ZNF571: variants seen among roughly 807,000 people sequenced by gnomAD.
ZNF571 encodes the protein zinc finger protein 571.
Under a neutral mutation model 7.7 loss-of-function variants are expected in ZNF571, and 4 were observed. The ratio of observed to expected loss-of-function variants is 0.52; its 90% CI spans 0.25 to 1.18. The LOEUF (loss-of-function observed/expected upper bound fraction) is 1.18. Ranked by LOEUF, ZNF571 falls within the 50% of genes most tolerant of loss-of-function variation. The pLI is 0.14. For missense variants in ZNF571, 704 were observed against 726.9 expected, an observed-to-expected ratio of 0.97 and a Z score of 0.36; for synonymous variants, 251 against 232.4, an observed-to-expected ratio of 1.08 and a Z score of -0.73.
intron 3 of ZNF571, among the ~76,000 whole-genome samples, chr19:37,577,643 TAGTG>T (rs1457378064): frequency 6.6e-6 from 1 of 152,022 alleles, no homozygotes; most frequent in Non-Finnish European, 1.5e-5. Context: ...TGTAGCAAAA[TAGTG>T]AGAAGATCCA....
At chr19:37,593,702 C>T (rs2043934165) in intron 1 of ZNF571, among the ~76,000 whole-genome samples, 1 of 152,050 alleles carries the variant, frequency 6.6e-6, no homozygotes, top group Non-Finnish European at 1.5e-5. Context: ...GAATCCGTCT[C>T]AAAAAGCAAA....
At chr19:37,584,134 G>A (rs748259461) in intron 2 of ZNF571, 37 bp from the exon 3 acceptor site, 2 of 1,612,506 alleles carry the variant, frequency 1.2e-6, no homozygotes, top group Admixed American at 3.3e-5. Context: ...GATTCTACAG[G>A]AATGATTCTG....
At chr19:37,579,274 G>C (rs2043359491) in intron 3 of ZNF571, among the ~76,000 whole-genome samples, 1 of 152,306 alleles carries the variant, frequency 6.6e-6, no homozygotes, top group Middle Eastern at 3.4e-3. Context: ...AGGTTGTCCA[G>C]TGGGCCAGCT....
At chr19:37,577,028 C>T (rs747631929) in intron 3 of ZNF571, among the ~76,000 whole-genome samples, 2 of 152,048 alleles carry the variant, frequency 1.3e-5, no homozygotes, top group Non-Finnish European at 2.9e-5. Context: ...TTACATAAAA[C>T]GTTAGGTCAT....
chr19:37,592,691 T>C (rs2043902119), intron 1 of ZNF571, among the ~76,000 whole-genome samples: 1 of 152,228 alleles, frequency 6.6e-6, no homozygotes, highest in Non-Finnish European at 1.5e-5. Flanking sequence ...CAGCACCAAC[T>C]ATGAATTAAA....
Position 37,565,778 on chromosome 19 carries a change from T to G in ZNF571, c.650A>C (p.His217Pro), listed in dbSNP as rs768091015. Reference sequence around the variant, plus strand: ...ACACTGATAAGGTTTTTCATTAGTATGAATTTTCTGATGTTGAATGAGATC... The same window carrying G: ...ACACTGATAAGGTTTTTCATTAGTAGGAATTTTCTGATGTTGAATGAGATC... The part of the protein sequence containing the change: ...TSDLIQHQKI[H>P]TNEKPYQCNA... Residue 217 changes from histidine (H) to proline (P), a missense_variant, in exon 4 of 4, where the codon CAT (histidine) becomes CCT (proline). By Grantham distance (77) the His-to-Pro change is moderately conservative. Coordinates refer to ENST00000451802, the MANE Select transcript of ZNF571 (RefSeq NM_016536.5). 4.3e-6 allele frequency: 7 copies of G among 1,613,848 alleles called. No homozygotes were observed. Among genetic ancestry groups the G allele is most frequent in the Non-Finnish European group, 5.9e-6 (7 of 1,179,872 alleles).
chr19:37,566,705 T>C (rs1471180496), intron 3 of ZNF571, among the ~76,000 whole-genome samples: 4 of 152,178 alleles, frequency 2.6e-5, no homozygotes, highest in African/African-American at 9.6e-5. Context: ...CCCTCTCTCA[T>C]TGTCATAACC....
In ZNF571 at chr19:37,584,312, CTGAGA is replaced by C. The variant is rs536406129; in HGVS notation, c.10-220_10-216del. 3.9e-5 allele frequency among the ~76,000 whole-genome samples: 6 copies of C among 152,272 alleles called. No individual in the cohort carries two copies. In the South Asian group the frequency reaches 8.3e-4, roughly 21 times the overall value. On this transcript the variant is annotated intron_variant, in intron 2 of 3. Coordinates refer to ENST00000451802, the MANE Select transcript of ZNF571 (RefSeq NM_016536.5). ...GAACAATTCCATTATCCAGAAAGGT[CTGAGA>C]ATTTAAAAAGCCAGATGTGTGCAGT... is the stretch of plus-strand genomic sequence containing the variant.
rs11540764 is a variant in ZNF571, at chr19:37,566,039, C to T, written c.389G>A (p.Arg130Gln). Residue 130 changes from arginine (R) to glutamine (Q), a missense_variant, in exon 4 of 4, where the codon CGG becomes CAG. Transcript: ENST00000451802. ...ESHSTSSTFH[R>Q]IIPTKEKLYK... ...CAATTTTTCCTTGGTAGGAATTATCCGATGAAAAGTAGAAGAGGTTGAATG... is the reference window on the plus strand; with the variant it reads ...CAATTTTTCCTTGGTAGGAATTATCTGATGAAAAGTAGAAGAGGTTGAATG... 5.5e-5 allele frequency: 88 copies of T among 1,613,872 alleles called. No individual in the cohort carries two copies. Among genetic ancestry groups the T allele is most frequent in the Middle Eastern group, 1.6e-4 (1 of 6,084 alleles).
intron 3 of ZNF571, among the ~76,000 whole-genome samples, chr19:37,568,025 A>G (rs759707919): frequency 2.1e-4 from 32 of 152,224 alleles, no homozygotes; most frequent in Non-Finnish European, 4.4e-4. Flanking sequence ...TCTCCTAGAA[A>G]TAGTGACAAG....
At chr19:37,581,020 T>G (rs1490752555) in intron 3 of ZNF571, among the ~76,000 whole-genome samples, 1 of 152,196 alleles carries the variant, frequency 6.6e-6, no homozygotes, top group Non-Finnish European at 1.5e-5. Flanking sequence ...TCCACATAAT[T>G]TTTTTCAATA....
Position 37,578,079 on chromosome 19 carries a change from T to A in ZNF571, c.136+5892A>T, listed in dbSNP as rs145487901. ...ACGGATCTAGGTTGCGGGCTCCTTA[T>A]GAGAATCTAACTAATGCCTGATGAT... On this transcript the variant is annotated intron_variant, in intron 3 of 3. Transcript: ENST00000451802. 6.8e-4 allele frequency among the ~76,000 whole-genome samples: 103 copies of A among 152,158 alleles called. 1 individual carries two copies. In the East Asian group the frequency reaches 0.018, roughly 27 times the overall value.
intron 1 of ZNF571, among the ~76,000 whole-genome samples, chr19:37,591,395 G>T (rs1430358069): frequency 6.6e-6 from 1 of 152,132 alleles, no homozygotes; most frequent in Admixed American, 6.6e-5. Context: ...ATATAAAAAA[G>T]AATAATGATC....
chr19:37,592,266 G>C (rs1230000198), intron 1 of ZNF571, among the ~76,000 whole-genome samples: 1 of 152,030 alleles, frequency 6.6e-6, no homozygotes, highest in Admixed American at 6.6e-5. Context: ...AATAAAGAAT[G>C]GATCTTGGTA....
Position 37,565,806 on chromosome 19 carries a change from A to T in ZNF571, c.622T>A (p.Ser208Thr). 6.2e-7 allele frequency: 1 copy of T among 1,613,638 alleles called. No homozygotes were observed. Among genetic ancestry groups the T allele is most frequent in the Non-Finnish European group, 8.5e-7 (1 of 1,179,796 alleles). Residue 208 changes from serine to threonine, a missense_variant, in exon 4 of 4, where the codon TCT (serine) becomes ACT (threonine). By Grantham distance (58) the Ser-to-Thr change is moderately conservative. Coordinates refer to ENST00000451802, the MANE Select transcript of ZNF571 (RefSeq NM_016536.5). ...MECGKAFGRT[S>T]DLIQHQKIHT... is the part of the protein sequence containing the mutation. ...ATTTTCTGATGTTGAATGAGATCAG[A>T]AGTACGACCAAAGGCCTTTCCACAT...
chr19:37,584,588 GTTATA>G (rs1302919097), intron 2 of ZNF571, among the ~76,000 whole-genome samples: 3 of 152,104 alleles, frequency 2.0e-5, no homozygotes, highest in Admixed American at 1.3e-4. Flanking sequence ...GATTCATCAA[GTTATA>G]TTATGTCACA....
intron 3 of ZNF571, among the ~76,000 whole-genome samples, chr19:37,579,197 C>G (rs546138584): frequency 2.0e-5 from 3 of 152,338 alleles, no homozygotes; most frequent in Admixed American, 2.0e-4. Context: ...CCCACCTCCC[C>G]ACATCATAGC....
In ZNF571 at chr19:37,564,915, T is replaced by A. The variant is rs1287145235; in HGVS notation, c.1513A>T (p.Lys505Ter). 3.1e-6 allele frequency: 5 copies of A among 1,613,948 alleles called. No individual in the cohort carries two copies. Among genetic ancestry groups the A allele is most frequent in the Non-Finnish European group, 4.2e-6 (5 of 1,179,970 alleles). ...IHTGEKPYKC[K>*]ECDKAFIYGS... ...TAAATAAAGGCCTTGTCACATTCCT[T>A]ACATTTGTAGGGCTTTTCACCTGTA... The change falls in exon 4 of 4, where the codon AAG becomes TAG. Residue 505 changes from lysine (K) to a stop codon, truncating the protein, a stop_gained. Coordinates refer to ENST00000451802, the MANE Select transcript of ZNF571 (RefSeq NM_016536.5). LOFTEE classifies it low-confidence loss of function (END_TRUNC).
At chr19:37,566,390 T>C in intron 3 of ZNF571, 99 bp from the exon 4 acceptor site, 9 of 1,349,538 alleles carry the variant, frequency 6.7e-6, no homozygotes, top group East Asian at 2.3e-5. Flanking sequence ...TCATTAAGAA[T>C]AGAATGGCTT....
Sources: allele counts gnomAD v4.1 joint callset (sites outside exome capture counted in the v4.1 genomes callset), GRCh38; gene constraint gnomAD v4.1.1; transcripts MANE v1.5; gene names NCBI Gene and HGNC (gene_info 2026-07-23, HGNC 2026-07-21).